The following DTNBP1 variants were observed in gnomAD, a reference collection of about 807,000 sequenced individuals.
DTNBP1 encodes dysbindin.
In DTNBP1, 35 loss-of-function variants were observed where a neutral mutation model predicts 42.8. That is an observed-to-expected ratio of 0.82 (90% CI 0.63 to 1.09). DTNBP1 has a LOEUF of 1.09. Ranked by LOEUF, DTNBP1 falls within the 50% of genes least tolerant of loss-of-function variation. The pLI, the probability that DTNBP1 is intolerant of heterozygous loss-of-function variation, is 0.00. For synonymous variants in DTNBP1, 171 were observed against 162.2 expected (o/e 1.05, Z -0.41); for missense variants, 457 against 424.2 (o/e 1.08, Z -0.68).
rs768471720 is a variant in DTNBP1 at position 15,587,769 on chromosome 6, T to C, written c.511+5290A>G. Among the ~76,000 whole-genome samples the C allele has an allele frequency of 1.1e-4, 16 of 152,140 alleles. No individual in the cohort carries two copies. The highest frequency in any genetic ancestry group is 2.1e-4 in the Non-Finnish European group (14 of 68,034). ...ATATCGATACGTAAAAAAATGAAGGTAGACTTTTAACTCACACGAACACAA... is the reference window on the plus strand; with the variant it reads ...ATATCGATACGTAAAAAAATGAAGGCAGACTTTTAACTCACACGAACACAA... On this transcript the variant is annotated intron_variant, in intron 7 of 9. Coordinates refer to ENST00000344537, the MANE Select transcript of DTNBP1 (RefSeq NM_032122.5). This position sits in a 1 kb window ranked among gnomAD's most constrained non-coding sequence, Gnocchi z 4.1.
chr6:15,584,989 C>T (rs1205942770), intron 7 of DTNBP1, among the ~76,000 whole-genome samples: 1 of 145,026 alleles, frequency 6.9e-6, no homozygotes, highest in Non-Finnish European at 1.5e-5. Context: ...AAATACCACA[C>T]AGAGATGTCA....
intron 7 of DTNBP1, among the ~76,000 whole-genome samples, chr6:15,568,249 C>G (rs1765006452): frequency 6.6e-6 from 1 of 152,202 alleles, no homozygotes; most frequent in African/African-American, 2.4e-5. Flanking sequence ...CCCCCAACTC[C>G]CATTTATTAC....
At position 15,597,988 on chromosome 6, in the gene DTNBP1, AT is replaced by A. The variant is rs544643625; in HGVS notation, c.489-4908del. ...ATCAAACAAAAAATTGAAATGTCTC[AT>A]TTTAAATGTTAACATATTTCAAAAT... On this transcript the variant is annotated intron_variant, in intron 6 of 9. Transcript: ENST00000344537. Among the ~76,000 whole-genome samples, 7 of 152,366 alleles carry A rather than the reference AT, an allele frequency of 4.6e-5. No individual in the cohort carries two copies. The East Asian group carries it at 9.6e-4, about 21-fold the overall frequency.
At chr6:15,534,877 G>T (rs928794842) in intron 7 of DTNBP1, among the ~76,000 whole-genome samples, 2 of 152,144 alleles carry the variant, frequency 1.3e-5, no homozygotes. Context: ...TAAGGGACCA[G>T]TGACCCTTCA....
intron 7 of DTNBP1, among the ~76,000 whole-genome samples, chr6:15,585,364 T>C (rs1243243829): frequency 1.3e-5 from 2 of 151,746 alleles, no homozygotes; most frequent in East Asian, 3.9e-4. Flanking sequence ...GTATTTTATA[T>C]TTATCTTTTA....
intron 3 of DTNBP1, among the ~76,000 whole-genome samples, chr6:15,650,210 T>TACCA (rs963291953): frequency 6.6e-6 from 1 of 152,220 alleles, no homozygotes; most frequent in African/African-American, 2.4e-5. Context: ...CACACATCTG[T>TACCA]CAAATGGCAC....
intron 4 of DTNBP1, among the ~76,000 whole-genome samples, chr6:15,635,974 T>C (rs928250942): frequency 1.2e-4 from 18 of 152,196 alleles, no homozygotes; most frequent in African/African-American, 4.1e-4. Context: ...TGGGTCTAAA[T>C]CTCACACTTT....
intron 6 of DTNBP1, among the ~76,000 whole-genome samples, chr6:15,597,457 T>G (rs1776559831): frequency 6.6e-6 from 1 of 151,648 alleles, no homozygotes; most frequent in African/African-American, 2.4e-5. Context: ...TAAGCAGGAG[T>G]TTTAAGTTCC....
At chr6:15,651,079 A>G (rs1760966403) in intron 3 of DTNBP1, among the ~76,000 whole-genome samples, 1 of 152,230 alleles carries the variant, frequency 6.6e-6, no homozygotes, top group South Asian at 2.1e-4. Context: ...ATATTATCAT[A>G]AAGTATTGAC....
intron 7 of DTNBP1, among the ~76,000 whole-genome samples, chr6:15,539,711 C>A (rs113006999): frequency 6.6e-6 from 1 of 152,180 alleles, no homozygotes; most frequent in Non-Finnish European, 1.5e-5. Context: ...GATCCTGGTA[C>A]GACGGCACAT....
In DTNBP1 at chr6:15,533,246, G is replaced by C. The variant is rs755709396; in HGVS notation, c.661C>G (p.Arg221Gly). 1.7e-5 allele frequency: 27 copies of C among 1,613,736 alleles called. 1 individual carries two copies. The South Asian group carries it at 2.5e-4, about 15-fold the overall frequency. Reference sequence around the variant, plus strand: ...AGCCCCAGCCCCCACTCGCCTCGCCGCTCTGCAATCTGCAGGTAGCCAGTG... The same window carrying C: ...AGCCCCAGCCCCCACTCGCCTCGCCCCTCTGCAATCTGCAGGTAGCCAGTG... ...LSTGYLQIAE[R>G]REPIGSMSSM... The change falls in exon 8 of 10, where the codon CGG becomes GGG. Residue 221 changes from arginine to glycine, a missense_variant. Coordinates refer to ENST00000344537, the MANE Select transcript of DTNBP1 (RefSeq NM_032122.5).
chr6:15,632,895 AT>A (rs1488699353), intron 4 of DTNBP1, among the ~76,000 whole-genome samples: 2 of 152,218 alleles, frequency 1.3e-5, no homozygotes, highest in African/African-American at 4.8e-5. Context: ...CCCAGGTAGA[AT>A]GCCTTTTATT....
chr6:15,530,542 C>A (rs953607214), intron 8 of DTNBP1, among the ~76,000 whole-genome samples: 1 of 152,240 alleles, frequency 6.6e-6, no homozygotes. Flanking sequence ...GTTCTCTCTG[C>A]CAGCCCGCTG....
intron 7 of DTNBP1, among the ~76,000 whole-genome samples, chr6:15,542,358 T>C (rs1773617099): frequency 6.6e-6 from 1 of 152,104 alleles, no homozygotes; most frequent in Admixed American, 6.5e-5. Flanking sequence ...TTGGGACCTA[T>C]GATTTGTTTT....
chr6:15,580,938 T>G (rs1050899002), intron 7 of DTNBP1, among the ~76,000 whole-genome samples: 1 of 152,114 alleles, frequency 6.6e-6, no homozygotes, highest in African/African-American at 2.4e-5. Flanking sequence ...TAGACAAGAA[T>G]GACCAGGAGA....
chr6:15,616,754 T>C (rs1046331415), intron 5 of DTNBP1, among the ~76,000 whole-genome samples: 1 of 152,226 alleles, frequency 6.6e-6, no homozygotes, highest in Non-Finnish European at 1.5e-5. Context: ...TTTTTGCCGT[T>C]TTTTGAAGTC....
intron 6 of DTNBP1, among the ~76,000 whole-genome samples, chr6:15,602,080 GAAAACAAAAC>G (rs913419109): frequency 6.6e-6 from 1 of 151,890 alleles, no homozygotes; most frequent in African/African-American, 2.4e-5. Flanking sequence ...AACCCTGTCT[GAAAACAAAAC>G]AAAACAAAAC....
At chr6:15,570,295 T>C (rs1280164036) in intron 7 of DTNBP1, among the ~76,000 whole-genome samples, 1 of 152,202 alleles carries the variant, frequency 6.6e-6, no homozygotes, top group Non-Finnish European at 1.5e-5. Context: ...AAAGCAACTA[T>C]CTTACTGTTT....
At chr6:15,583,039 G>A (rs1243078250) in intron 7 of DTNBP1, among the ~76,000 whole-genome samples, 2 of 152,224 alleles carry the variant, frequency 1.3e-5, no homozygotes, top group Non-Finnish European at 1.5e-5. Flanking sequence ...GAATGCAGTG[G>A]TGCCATCATA....
Sources: allele counts gnomAD v4.1 joint callset (sites outside exome capture counted in the v4.1 genomes callset), GRCh38; gene constraint gnomAD v4.1.1; non-coding constraint Gnocchi (gnomAD v3.1); transcripts MANE v1.5; gene names NCBI Gene and HGNC (gene_info 2026-07-23, HGNC 2026-07-21).